NR0B2: variants seen among roughly 807,000 people sequenced by gnomAD.
NR0B2 encodes the protein nuclear receptor SHP.
In NR0B2, 17 loss-of-function variants were observed where a neutral mutation model predicts 18.9. The ratio of observed to expected loss-of-function variants is 0.90; its 90% CI spans 0.62 to 1.35. The LOEUF is 1.35. NR0B2 is among the 40% of genes most tolerant of loss of function. The pLI is 0.00. For missense variants in NR0B2, 312 were observed against 333.3 expected (o/e 0.94, Z 0.50); for synonymous variants, 116 against 138.5 (o/e 0.84, Z 1.14).
Position 26,911,779 on chromosome 1 carries a change from G to A in NR0B2, c.*66C>T, listed in dbSNP as rs2082028311. On this transcript the variant is annotated 3_prime_UTR_variant, in exon 2 of 2. Coordinates refer to ENST00000254227, the MANE Select transcript of NR0B2 (RefSeq NM_021969.3). ...TCCAGGAGCATTGGGTCACCTCTGG[G>A]GATGGCCAGGCTGAATCAGCACTGC... 7.5e-6 allele frequency: 12 copies of A among 1,607,962 alleles called. No homozygotes were observed. The South Asian group carries it at 1.3e-4, about 18-fold the overall frequency.
chr1:26,911,641 G>T lies in NR0B2; in HGVS notation c.*204C>A, dbSNP rs1397452575. The T allele has an allele frequency of 4.8e-6, 3 of 621,914 alleles. No homozygotes were observed. Among genetic ancestry groups the T allele is most frequent in the Non-Finnish European group, 8.6e-6 (3 of 347,312 alleles). 38.5% of individuals were successfully genotyped at this position (621,914 alleles called of 1,614,324 possible). A position where few individuals can be genotyped will look rare whatever the true frequency, so the allele number is the denominator to read the frequency against. ...CCAGAGGCTGTGGGGACCACCAAAAGCCTCCCAGGCAGCTGGAACACTGTG... is the reference window on the plus strand; with the variant it reads ...CCAGAGGCTGTGGGGACCACCAAAATCCTCCCAGGCAGCTGGAACACTGTG... On this transcript the variant is annotated 3_prime_UTR_variant, in exon 2 of 2. Coordinates refer to ENST00000254227, the MANE Select transcript of NR0B2 (RefSeq NM_021969.3).
intron 1 of NR0B2, 128 bp from the exon 2 acceptor site, chr1:26,912,214 A>G (rs971986876): frequency 1.0e-6 from 1 of 996,464 alleles, no homozygotes; most frequent in East Asian, 2.6e-5. Flanking sequence ...TTGAGGTCCC[A>G]CTACTACCTC....
intron 1 of NR0B2, among the ~76,000 whole-genome samples, chr1:26,912,567 G>A (rs760849547): frequency 1.3e-5 from 2 of 152,062 alleles, no homozygotes; most frequent in Admixed American, 6.6e-5. Flanking sequence ...CGATTTATGC[G>A]TGCCACAAGG....
Position 26,911,898 on chromosome 1 carries a change from T to C in NR0B2, c.721A>G (p.Ile241Val), listed in dbSNP as rs2082028900. 1.2e-6 allele frequency: 2 copies of C among 1,614,044 alleles called. No homozygotes were observed. The highest frequency in any genetic ancestry group is 2.2e-5 in the East Asian group (1 of 44,894). Residue 241 changes from isoleucine (I) to valine (V), a missense_variant, in exon 2 of 2, where the codon ATT becomes GTT. Transcript: ENST00000254227. ...AGGCCAGCGATGTCAACATCTCCAATGATAGGGCGAAAGAAGAGGTCCCCA... is the reference window on the plus strand; with the variant it reads ...AGGCCAGCGATGTCAACATCTCCAACGATAGGGCGAAAGAAGAGGTCCCCA... ...LLGDLFFRPI[I>V]GDVDIAGLLG... is the part of the protein sequence containing the mutation.
rs955880328 is a variant in NR0B2, at chr1:26,913,490, A to G, written c.451T>C (p.Cys151Arg). The G allele has an allele frequency of 5.0e-6, 8 of 1,613,742 alleles. No homozygotes were observed. The Admixed American group carries it at 5.0e-5, about 10-fold the overall frequency. ...PSLAAVQWLQ[C>R]CLESFWSLEL... ...AGGCTCCAGAAGGACTCCAGACAGC[A>G]TTGAAGCCACTGCACCGCAGCCAGG... Residue 151 changes from cysteine to arginine, a missense_variant, in exon 1 of 2, where the codon TGC becomes CGC. Physicochemically the swap from Cys to Arg is radical, Grantham distance 180. Transcript: ENST00000254227.
Position 26,911,973 on chromosome 1 carries a change from G to T in NR0B2, c.646C>A (p.Arg216Ser). ...AGGGTGGAGGCCGTGAGGAGGACAC[G>T]GGTCAGGCGGCCTTGGGCTGCTGGG... ...WCPAAQGRLTRVLLTASTLKS... is the reference protein window; with the variant it reads ...WCPAAQGRLTSVLLTASTLKS... The change falls in exon 2 of 2, where the codon CGT becomes AGT. Residue 216 changes from arginine to serine, a missense_variant. Transcript: ENST00000254227. 1 of 1,614,232 alleles carries T rather than the reference G, an allele frequency of 6.2e-7. No individual in the cohort carries two copies. The highest frequency in any genetic ancestry group is 8.5e-7 in the Non-Finnish European group (1 of 1,180,056).
chr1:26,913,850 C>G lies in NR0B2; in HGVS notation c.91G>C (p.Ala31Pro), dbSNP rs1442533451. 2 of 1,507,424 alleles carry G rather than the reference C, an allele frequency of 1.3e-6. No homozygotes were observed. Among genetic ancestry groups the G allele is most frequent in the African/African-American group, 2.8e-5 (2 of 71,526 alleles). The allele number at this position is 1,507,424 out of a possible 1,614,324, so 93.4% of individuals were successfully genotyped here. ...LYALLSSSLK[A>P]VPRPRSRCLC... is the part of the protein sequence containing the mutation. ...CAGCGGCTACGGGGTCGGGGGACAG[C>G]CTTGAGGCTGGAGCTCAGAAGTGCG... Residue 31 changes from alanine to proline, a missense_variant, in exon 1 of 2, where the codon GCT (alanine) becomes CCT (proline). Physicochemically the swap from Ala to Pro is conservative, Grantham distance 27. Coordinates refer to ENST00000254227, the MANE Select transcript of NR0B2 (RefSeq NM_021969.3).
chr1:26,912,304 G>A (rs1339108254), intron 1 of NR0B2, among the ~76,000 whole-genome samples: 1 of 152,124 alleles, frequency 6.6e-6, no homozygotes, highest in Non-Finnish European at 1.5e-5. Flanking sequence ...GTGGAGTAAT[G>A]GTTAAGAATT....
intron 1 of NR0B2, 130 bp from the exon 2 acceptor site, chr1:26,912,216 T>A (rs934890908): frequency 2.4e-5 from 23 of 959,804 alleles, no homozygotes; most frequent in Non-Finnish European, 3.3e-5. Context: ...GAGGTCCCAC[T>A]ACTACCTCCT....
In NR0B2 at chr1:26,913,672, C is replaced by T; in HGVS notation, c.269G>A (p.Gly90Asp). 6.2e-7 allele frequency: 1 copy of T among 1,613,434 alleles called. No homozygotes were observed. Among genetic ancestry groups the T allele is most frequent in the Non-Finnish European group, 8.5e-7 (1 of 1,179,710 alleles). Residue 90 changes from glycine to aspartate, a missense_variant, in exon 1 of 2, where the codon GGT becomes GAT. Physicochemically the swap from Gly to Asp is moderately conservative, Grantham distance 94. Transcript: ENST00000254227. ...PPQDQRRLLQ[G>D]CWGPLFLLGL... is the part of the protein sequence containing the mutation. ...AAGCAGGAAGAGGGGGCCCCAGCAA[C>T]CCTGCAGCAGCCGCCGCTGGTCCTG...
intron 1 of NR0B2, 59 bp from the exon 2 acceptor site, chr1:26,912,145 C>T: frequency 6.2e-7 from 1 of 1,602,630 alleles, no homozygotes; most frequent in Non-Finnish European, 8.5e-7. Context: ...CACCAAAGGA[C>T]AAGACTGGCC....
Position 26,912,933 on chromosome 1 carries a change from C to G in NR0B2, c.532+476G>C, listed in dbSNP as rs565049276. On this transcript the variant is annotated intron_variant, in intron 1 of 1. Coordinates refer to ENST00000254227, the MANE Select transcript of NR0B2 (RefSeq NM_021969.3). ...GGTCTGTCCCTACCTGGCTGTGTTA[C>G]CTTTAGCTAGTCACTTAGCTTCTCT... 3.9e-5 allele frequency among the ~76,000 whole-genome samples: 6 copies of G among 152,306 alleles called. No individual in the cohort carries two copies. In the East Asian group the frequency reaches 1.2e-3, roughly 29 times the overall value.
In NR0B2 at chr1:26,913,613, C is replaced by A; in HGVS notation, c.328G>T (p.Ala110Ser). The change falls in exon 1 of 2, where the codon GCT (alanine) becomes TCT (serine). Residue 110 changes from alanine (A) to serine (S), a missense_variant. Physicochemically the swap from Ala to Ser is moderately conservative, Grantham distance 99. Coordinates refer to ENST00000254227, the MANE Select transcript of NR0B2 (RefSeq NM_021969.3). The part of the protein sequence containing the change: ...LAQDAVTFEV[A>S]EAPVPSILKK... ...AGTATGCTGGGCACCGGGGCCTCAG[C>A]CACCTCAAAGGTCACAGCATCTTGG... is the stretch of plus-strand genomic sequence containing the variant. The A allele has an allele frequency of 6.2e-7, 1 of 1,614,078 alleles. No individual in the cohort carries two copies. Among genetic ancestry groups the A allele is most frequent in the Non-Finnish European group, 8.5e-7 (1 of 1,180,008 alleles).
At position 26,911,783 on chromosome 1, in the gene NR0B2, G is replaced by A. The variant is rs2082028335; in HGVS notation, c.*62C>T. The A allele has an allele frequency of 1.2e-6, 2 of 1,609,940 alleles. No individual in the cohort carries two copies. The highest frequency in any genetic ancestry group is 1.7e-6 in the Non-Finnish European group (2 of 1,176,816). On this transcript the variant is annotated 3_prime_UTR_variant, in exon 2 of 2. Transcript: ENST00000254227. ...GGAGCATTGGGTCACCTCTGGGGAT[G>A]GCCAGGCTGAATCAGCACTGCCAGC... is the stretch of plus-strand genomic sequence containing the variant.
At position 26,912,711 on chromosome 1, in the gene NR0B2, A is replaced by C. The variant is rs190183214; in HGVS notation, c.533-625T>G. Reference sequence around the variant, plus strand: ...TACGCCCCTTTCAGTCATCTCTTCTATGTGATCTTTCTGAACCCACAGAGG... The same window carrying C: ...TACGCCCCTTTCAGTCATCTCTTCTCTGTGATCTTTCTGAACCCACAGAGG... On this transcript the variant is annotated intron_variant, in intron 1 of 1. Coordinates refer to ENST00000254227, the MANE Select transcript of NR0B2 (RefSeq NM_021969.3). Among the ~76,000 whole-genome samples the C allele has an allele frequency of 4.0e-3, 604 of 152,008 alleles. 4 individuals are homozygous for C. The highest frequency in any genetic ancestry group is 0.01 in the Middle Eastern group (3 of 294).
Position 26,911,981 on chromosome 1 carries a change from C to T in NR0B2, c.638G>A (p.Arg213His), listed in dbSNP as rs367827644. The change falls in exon 2 of 2, where the codon CGC (arginine) becomes CAC (histidine). Residue 213 changes from arginine (R) to histidine (H), a missense_variant. By Grantham distance (29) the Arg-to-His change is conservative. Coordinates refer to ENST00000254227, the MANE Select transcript of NR0B2 (RefSeq NM_021969.3). Reference protein sequence around the residue: ...LEPWCPAAQGRLTRVLLTAST... With the variant: ...LEPWCPAAQGHLTRVLLTAST... ...GGCCGTGAGGAGGACACGGGTCAGG[C>T]GGCCTTGGGCTGCTGGGCACCAGGG... 6.9e-5 allele frequency: 111 copies of T among 1,614,110 alleles called. No individual in the cohort carries two copies. The Middle Eastern group carries it at 9.9e-4, about 14-fold the overall frequency.
chr1:26,911,703 G>A lies in NR0B2; in HGVS notation c.*142C>T, dbSNP rs1243837362. On this transcript the variant is annotated 3_prime_UTR_variant, in exon 2 of 2. Transcript: ENST00000254227. The stretch of plus-strand genomic sequence containing the variant: ...GAAGTCCAATGTGGGGTGTGGCTGA[G>A]TGAAGAGCTGTTCCTAAGGAGCCAA... 2 of 943,480 alleles carry A rather than the reference G, an allele frequency of 2.1e-6. No individual in the cohort carries two copies. The highest frequency in any genetic ancestry group is 3.2e-5 in the African/African-American group (2 of 61,730). The allele number at this position is 943,480 out of a possible 1,614,324, so 58.4% of individuals were successfully genotyped here.
rs765321141 is a variant in NR0B2, at chr1:26,913,687, C to T, written c.254G>A (p.Arg85Gln). 6.5e-5 allele frequency: 105 copies of T among 1,612,692 alleles called. No homozygotes were observed. Among genetic ancestry groups the T allele is most frequent in the Non-Finnish European group, 8.0e-5 (94 of 1,179,214 alleles). Reference protein sequence around the residue: ...SFWQLPPQDQRRLLQGCWGPL... With the variant: ...SFWQLPPQDQQRLLQGCWGPL... ...GCCCCAGCAACCCTGCAGCAGCCGC[C>T]GCTGGTCCTGGGGAGGCAGCTGCCA... The change falls in exon 1 of 2, where the codon CGG becomes CAG. Residue 85 changes from arginine to glutamine, a missense_variant. Physicochemically the swap from Arg to Gln is conservative, Grantham distance 43. Coordinates refer to ENST00000254227, the MANE Select transcript of NR0B2 (RefSeq NM_021969.3).
intron 1 of NR0B2, among the ~76,000 whole-genome samples, chr1:26,912,317 G>A (rs1337654453): frequency 6.6e-6 from 1 of 152,060 alleles, no homozygotes; most frequent in African/African-American, 2.4e-5. Flanking sequence ...TAAGAATTAG[G>A]CTTCCTGGGT....
Sources: allele counts gnomAD v4.1 joint callset (sites outside exome capture counted in the v4.1 genomes callset), GRCh38; gene constraint gnomAD v4.1.1; transcripts MANE v1.5; gene names NCBI Gene and HGNC (gene_info 2026-07-23, HGNC 2026-07-21).